The following CNTRL variants were observed in gnomAD, a reference collection of about 807,000 sequenced individuals.
CNTRL encodes the protein centriolin.
In CNTRL, 233 loss-of-function variants were observed where a neutral mutation model predicts 303.7. That is an observed-to-expected ratio of 0.77 (90% CI 0.69 to 0.86). CNTRL has a LOEUF of 0.86. Among genes scored for constraint, CNTRL ranks in the 40% least tolerant of loss-of-function variants. The pLI is 0.00. For missense variants in CNTRL, 2,524 were observed against 2,650.6 expected, an observed-to-expected ratio of 0.95 and a Z score of 1.05; for synonymous variants, 900 against 922.2, an observed-to-expected ratio of 0.98 and a Z score of 0.44.
At chr9:121,119,992 C>T (rs989942633) in intron 12 of CNTRL, among the ~76,000 whole-genome samples, 2 of 152,174 alleles carry the variant, frequency 1.3e-5, no homozygotes, top group African/African-American at 2.4e-5. Flanking sequence ...TGGCTGGATA[C>T]AGCCAGGCTC....
intron 34 of CNTRL, among the ~76,000 whole-genome samples, chr9:121,164,174 T>C (rs2052990203): frequency 1.3e-5 from 2 of 152,196 alleles, no homozygotes; most frequent in Admixed American, 6.5e-5. Context: ...GGAACTTTCA[T>C]ATATGATTGA....
intron 4 of CNTRL, 109 bp from the exon 5 acceptor site, chr9:121,094,779 A>T: frequency 1.3e-6 from 1 of 779,832 alleles, no homozygotes; most frequent in Non-Finnish European, 2.0e-6. Flanking sequence ...GTAAGGGTAT[A>T]TTATTTTCTG....
At chr9:121,124,992 A>G (rs998137523) in intron 13 of CNTRL, among the ~76,000 whole-genome samples, 5 of 151,170 alleles carry the variant, frequency 3.3e-5, no homozygotes, top group Non-Finnish European at 7.4e-5. Context: ...TTCCTGGCAC[A>G]TAGTGCGTAT....
chr9:121,116,634 G>A (rs2133243765), intron 11 of CNTRL, among the ~76,000 whole-genome samples: 1 of 152,264 alleles, frequency 6.6e-6, no homozygotes, highest in South Asian at 2.1e-4. Flanking sequence ...TGCATGCAAT[G>A]GGAAATCTTT....
In CNTRL at chr9:121,138,598, G is replaced by A. The variant is rs2051326839; in HGVS notation, c.2256G>A (p.Lys752=). 6.2e-7 allele frequency: 1 copy of A among 1,613,872 alleles called. No individual in the cohort carries two copies. The highest frequency in any genetic ancestry group is 1.1e-5 in the South Asian group (1 of 91,082). Residue 752 remains lysine (K), a synonymous_variant, in exon 16 of 44, where the codon AAG becomes AAA. Transcript: ENST00000373855. ...TTGAGAAGGAAAGGCAAGCCCTCAA[G>A]AATGCCCTTGGAAAAGCCCAGTTCT... ...AELEKERQAL[K]NALGKAQFSE...
rs559450811 is a variant in CNTRL, at chr9:121,140,438, G to A, written c.2338-203G>A. On this transcript the variant is annotated intron_variant, in intron 16 of 43. Coordinates refer to ENST00000373855, the MANE Select transcript of CNTRL (RefSeq NM_007018.6). ...ACAGGCACTTGAAAACATGTTAATT[G>A]CATTCTAAATTCTTCATTTCAGTTA... 3.9e-5 allele frequency among the ~76,000 whole-genome samples: 6 copies of A among 152,334 alleles called. No homozygotes were observed. In the East Asian group the frequency reaches 1.2e-3, roughly 29 times the overall value.
In CNTRL at chr9:121,171,541, A is replaced by C. The variant is rs929304837; in HGVS notation, c.6410A>C (p.Lys2137Thr). 1 of 1,613,568 alleles carries C rather than the reference A, an allele frequency of 6.2e-7. No homozygotes were observed. Reference sequence around the variant, plus strand: ...ATGCAGTATGAGTACACGGAGCTCAAGAAACAGGTGTGTGCCCAGAAAGCC... The same window carrying C: ...ATGCAGTATGAGTACACGGAGCTCACGAAACAGGTGTGTGCCCAGAAAGCC... ...NQMQYEYTELKKQMANQKDLE... is the reference protein window; with the variant it reads ...NQMQYEYTELTKQMANQKDLE... Residue 2137 changes from lysine to threonine, a missense_variant, in exon 40 of 44, where the codon AAG (lysine) becomes ACG (threonine). Physicochemically the swap from Lys to Thr is moderately conservative, Grantham distance 78. Transcript: ENST00000373855.
intron 12 of CNTRL, among the ~76,000 whole-genome samples, chr9:121,120,586 G>A (rs915595913): frequency 6.6e-6 from 1 of 152,200 alleles, no homozygotes; most frequent in Non-Finnish European, 1.5e-5. Flanking sequence ...AAGGGAGGAA[G>A]GAAGCAGCTT....
intron 14 of CNTRL, among the ~76,000 whole-genome samples, chr9:121,127,080 A>G (rs2050573870): frequency 1.3e-5 from 2 of 152,146 alleles, no homozygotes; most frequent in South Asian, 4.1e-4. Flanking sequence ...TTGGCCTCTG[A>G]AAGTGCTCGG....
chr9:121,177,333 T>C lies in CNTRL; in HGVS notation c.*147T>C, dbSNP rs1203431197. ...ACTGTAGTTTACTTTGCCTGTACCA[T>C]TAATGCCAATGTTTTTATAAATCAC... On this transcript the variant is annotated 3_prime_UTR_variant, in exon 44 of 44. Coordinates refer to ENST00000373855, the MANE Select transcript of CNTRL (RefSeq NM_007018.6). The C allele has an allele frequency of 4.6e-6, 3 of 658,476 alleles. No individual in the cohort carries two copies. The highest frequency in any genetic ancestry group is 7.9e-6 in the Non-Finnish European group (3 of 378,226). 40.8% of individuals were successfully genotyped at this position (658,476 alleles called of 1,614,324 possible). A position where few individuals can be genotyped will look rare whatever the true frequency, so the allele number is the denominator to read the frequency against.
chr9:121,087,691 C>CA (rs1158783399), intron 2 of CNTRL, among the ~76,000 whole-genome samples: 1 of 151,502 alleles, frequency 6.6e-6, no homozygotes, highest in African/African-American at 2.4e-5. Context: ...GATTCTGTCT[C>CA]AAAAAAAATA....
chr9:121,138,216 C>T (rs548767628), intron 15 of CNTRL, among the ~76,000 whole-genome samples: 2 of 152,078 alleles, frequency 1.3e-5, no homozygotes, highest in African/African-American at 2.4e-5. Context: ...TTGAGAAATA[C>T]TAGTCTAAGG....
In CNTRL at chr9:121,172,920, A is replaced by T. The variant is rs973778198; in HGVS notation, c.6418-323A>T. Among the ~76,000 whole-genome samples the T allele has an allele frequency of 2.6e-5, 4 of 152,216 alleles. 1 individual carries two copies. The South Asian group carries it at 8.3e-4, about 31-fold the overall frequency. On this transcript the variant is annotated intron_variant, in intron 40 of 43. Transcript: ENST00000373855. The stretch of plus-strand genomic sequence containing the variant: ...CAGATGTTAGCCAACTTGCCCTGTC[A>T]TACTGGTAATACTGGAAATCAGATT...
intron 14 of CNTRL, among the ~76,000 whole-genome samples, chr9:121,130,205 G>A (rs931932735): frequency 3.3e-5 from 5 of 152,190 alleles, no homozygotes; most frequent in African/African-American, 9.7e-5. Flanking sequence ...AGAAGGAATG[G>A]TACCAGCTCC....
chr9:121,107,876 A>G lies in CNTRL; in HGVS notation c.883A>G (p.Arg295Gly). 1 of 1,609,726 alleles carries G rather than the reference A, an allele frequency of 6.2e-7. No homozygotes were observed. Among genetic ancestry groups the G allele is most frequent in the Non-Finnish European group, 8.5e-7 (1 of 1,178,216 alleles). Residue 295 changes from arginine (R) to glycine (G), a missense_variant, in exon 8 of 44, where the codon AGG becomes GGG. Arg to Gly is a moderately radical substitution (Grantham distance 125). Transcript: ENST00000373855. ...TGAAGAGCTTAAGAGCAAACAAACA[A>G]GGTTCCTTGAGGAAATTAAAAATCA... The part of the protein sequence containing the change: ...ETEELKSKQT[R>G]FLEEIKNQDK...
intron 10 of CNTRL, among the ~76,000 whole-genome samples, 157 bp from the exon 11 acceptor site, chr9:121,114,934 A>T (rs1245707261): frequency 6.6e-6 from 1 of 152,236 alleles, no homozygotes; most frequent in East Asian, 1.9e-4. Flanking sequence ...GACAAAAGCG[A>T]TCATAAGTAA....
intron 38 of CNTRL, among the ~76,000 whole-genome samples, chr9:121,169,384 C>G (rs1317713578): frequency 1.3e-5 from 2 of 152,208 alleles, no homozygotes; most frequent in African/African-American, 4.8e-5. Context: ...CTATCTGTCA[C>G]TCTGGGATCA....
chr9:121,175,187 C>A lies in CNTRL; in HGVS notation c.6917C>A (p.Ser2306Tyr). 1.9e-6 allele frequency: 3 copies of A among 1,614,150 alleles called. No individual in the cohort carries two copies. The highest frequency in any genetic ancestry group is 2.5e-6 in the Non-Finnish European group (3 of 1,180,032). Reference protein sequence around the residue: ...ASSPSLSQLESSLTEDSQLGQ... With the variant: ...ASSPSLSQLEYSLTEDSQLGQ... ...TCACCCAGTCTGTCTCAGCTGGAGT[C>A]TTCCCTCACAGAGGACTCTCAACTT... The change falls in exon 43 of 44, where the codon TCT (serine) becomes TAT (tyrosine). Residue 2306 changes from serine to tyrosine, a missense_variant. Ser to Tyr is a moderately radical substitution (Grantham distance 144). Coordinates refer to ENST00000373855, the MANE Select transcript of CNTRL (RefSeq NM_007018.6).
intron 12 of CNTRL, among the ~76,000 whole-genome samples, chr9:121,119,357 G>A (rs1335538267): frequency 8.8e-5 from 13 of 147,472 alleles, no homozygotes; most frequent in East Asian, 2.0e-4. Context: ...GTGCAGTGGC[G>A]CAATCTCCGC....
Sources: gnomAD v4.1 joint callset for allele counts (sites outside exome capture counted in the v4.1 genomes callset) on GRCh38, gnomAD v4.1.1 for gene constraint, MANE v1.5 for transcripts, NCBI Gene and HGNC (gene_info 2026-07-23, HGNC 2026-07-21) for gene names.